Variants in PRR14L observed in about 807,000 individuals in gnomAD.
PRR14L encodes the protein protein PRR14L.
Under a neutral mutation model 155.0 loss-of-function variants are expected in PRR14L, and 80 were observed. That is an observed-to-expected ratio of 0.52 (90% CI 0.43 to 0.62). The LOEUF is 0.62. PRR14L is among the 20% of genes least tolerant of loss of function. The pLI is 0.00. For synonymous variants in PRR14L, 883 were observed against 916.0 expected (o/e 0.96, Z 0.65); for missense variants, 2,469 against 2,548.0 (o/e 0.97, Z 0.67).
Position 31,717,092 on chromosome 22 carries a change from T to G in PRR14L, c.747A>C (p.Leu249Phe). The change falls in exon 4 of 9, where the codon TTA becomes TTC. Residue 249 changes from leucine to phenylalanine, a missense_variant. Leu to Phe is a conservative substitution (Grantham distance 22). Transcript: ENST00000327423. ...CAAAGGTTAAAGGTTCTGGGGTAACTAATGTGCTGGTTTCTGAAACCTCAT... is the reference window on the plus strand; with the variant it reads ...CAAAGGTTAAAGGTTCTGGGGTAACGAATGTGCTGGTTTCTGAAACCTCAT... ...TSDEVSETST[L>F]VTPEPLTFVD... 1 of 1,552,100 alleles carries G rather than the reference T, an allele frequency of 6.4e-7. No individual in the cohort carries two copies. The highest frequency in any genetic ancestry group is 8.7e-7 in the Non-Finnish European group (1 of 1,147,030).
chr22:31,686,037 C>A (rs571344578), intron 8 of PRR14L, among the ~76,000 whole-genome samples: 1 of 151,992 alleles, frequency 6.6e-6, no homozygotes, highest in Non-Finnish European at 1.5e-5. Context: ...TGGGTTCAAG[C>A]GATTCTCCTG....
Position 31,713,630 on chromosome 22 carries a change from C to T in PRR14L, c.4209G>A (p.Glu1403=). The T allele has an allele frequency of 1.3e-6, 2 of 1,551,926 alleles. No individual in the cohort carries two copies. The highest frequency in any genetic ancestry group is 1.7e-6 in the Non-Finnish European group (2 of 1,147,052). ...GTGCTTTTTGTTGACGTATATATTT[C>T]TCTTCTTTCTGCAACATGTAGTCCA... is the stretch of plus-strand genomic sequence containing the variant. ...EVLDYMLQKE[E]KYIRQQKAHT... The change falls in exon 4 of 9, where the codon GAG becomes GAA. Residue 1403 remains glutamate (E), a synonymous_variant. Transcript: ENST00000327423.
intron 4 of PRR14L, among the ~76,000 whole-genome samples, chr22:31,710,684 G>C (rs182639811): frequency 7.0e-4 from 107 of 152,094 alleles, no homozygotes; most frequent in Non-Finnish European, 9.1e-4. Context: ...TCGATCTCCT[G>C]ACCTCGTGAT....
rs1387247524 is a variant in PRR14L, at chr22:31,713,465, C to G, written c.4374G>C (p.Val1458=). 6.4e-7 allele frequency: 1 copy of G among 1,551,830 alleles called. No individual in the cohort carries two copies. Among genetic ancestry groups the G allele is most frequent in the Non-Finnish European group, 8.7e-7 (1 of 1,147,050 alleles). Reference sequence around the variant, plus strand: ...GGTCTTCTAACTTCTGAGTCTGTGCCACAATGCTGTCCTTGGCCAGCTTTG... The same window carrying G: ...GGTCTTCTAACTTCTGAGTCTGTGCGACAATGCTGTCCTTGGCCAGCTTTG... ...TLAKLAKDSI[V]AQTQKLEDQK... The change falls in exon 4 of 9, where the codon GTG becomes GTC. Residue 1458 remains valine (V), a synonymous_variant. Transcript: ENST00000327423.
At chr22:31,742,763 C>T (rs968423903) in intron 1 of PRR14L, among the ~76,000 whole-genome samples, 3 of 152,120 alleles carry the variant, frequency 2.0e-5, no homozygotes, top group African/African-American at 4.8e-5. Context: ...AAAATTTGTA[C>T]ACAAATGTCT....
At position 31,716,811 on chromosome 22, in the gene PRR14L, G is replaced by GA; in HGVS notation, c.1027dup (p.Ser343PhefsTer23). The stretch of plus-strand genomic sequence containing the variant: ...ACCAGACAAGTCTGATGTGAAACAT[G>GA]AAACTTCAGAATTTTCTTTCAAAGG... On this transcript the variant is annotated frameshift_variant, in exon 4 of 9. Coordinates refer to ENST00000327423, the MANE Select transcript of PRR14L (RefSeq NM_173566.3). LOFTEE classifies it high-confidence loss of function. The GA allele has an allele frequency of 6.4e-7, 1 of 1,551,866 alleles. No individual in the cohort carries two copies. Among genetic ancestry groups the GA allele is most frequent in the Non-Finnish European group, 8.7e-7 (1 of 1,147,026 alleles).
chr22:31,730,153 A>T (rs1317852383), intron 2 of PRR14L, among the ~76,000 whole-genome samples: 1 of 149,676 alleles, frequency 6.7e-6, no homozygotes, highest in Non-Finnish European at 1.5e-5. Flanking sequence ...AAAAAAAAAA[A>T]AAATCGCCGG....
intron 3 of PRR14L, among the ~76,000 whole-genome samples, chr22:31,718,244 T>TTGTATTTTTACTA (rs1569499166): frequency 2.7e-5 from 4 of 146,826 alleles, no homozygotes; most frequent in Admixed American, 6.8e-5. Context: ...GCTAATTTTT[T>TTGTATTTTTACTA]GGGGGGGTTT....
At chr22:31,744,090 T>C (rs2074825908) in intron 1 of PRR14L, among the ~76,000 whole-genome samples, 1 of 149,086 alleles carries the variant, frequency 6.7e-6, no homozygotes, top group African/African-American at 2.5e-5. Flanking sequence ...CGATCATAGC[T>C]CACTATAACC....
chr22:31,743,472 C>T (rs961045701), intron 1 of PRR14L, among the ~76,000 whole-genome samples: 5 of 152,052 alleles, frequency 3.3e-5, no homozygotes, highest in African/African-American at 7.2e-5. Flanking sequence ...AATTGTATGG[C>T]ATATGAATTA....
Position 31,745,851 on chromosome 22 carries a change from A to ATATATATAT in PRR14L, c.-52+4141_-52+4142insATATATATA, listed in dbSNP as rs1363174406. 2.1e-5 allele frequency among the ~76,000 whole-genome samples: 3 copies of ATATATATAT among 142,852 alleles called. No homozygotes were observed. In the South Asian group the frequency reaches 6.9e-4, roughly 33 times the overall value. 93.7% of individuals were successfully genotyped at this position (142,852 alleles called of 152,430 possible). A position where few individuals can be genotyped will look rare whatever the true frequency, so the allele number is the denominator to read the frequency against. On this transcript the variant is annotated intron_variant, in intron 1 of 8. Transcript: ENST00000327423. ...GAGAGGGAGACTCAGTTTAAAAAAA[A>ATATATATAT]AAAAAAAAAAATATATATATATATA...
At chr22:31,743,283 CA>C (rs577332124) in intron 1 of PRR14L, among the ~76,000 whole-genome samples, 1 of 151,854 alleles carries the variant, frequency 6.6e-6, no homozygotes. Context: ...GACTGGGAGA[CA>C]AAACCGAAAG....
In PRR14L at chr22:31,714,126, A is replaced by G; in HGVS notation, c.3713T>C (p.Ile1238Thr). The G allele has an allele frequency of 1.3e-6, 2 of 1,551,420 alleles. No homozygotes were observed. Among genetic ancestry groups the G allele is most frequent in the Non-Finnish European group, 8.7e-7 (1 of 1,146,948 alleles). Reference sequence around the variant, plus strand: ...ATTTTCTTGAGAAGGCATTATTTCAATGGATTTCAGGCTTCTTAGGGAAAC... The same window carrying G: ...ATTTTCTTGAGAAGGCATTATTTCAGTGGATTTCAGGCTTCTTAGGGAAAC... ...SSVSLRSLKS[I>T]EIMPSQENSE... The change falls in exon 4 of 9, where the codon ATT (isoleucine) becomes ACT (threonine). Residue 1238 changes from isoleucine (I) to threonine (T), a missense_variant. Ile to Thr is a moderately conservative substitution (Grantham distance 89). Around this residue, in one of 2 missense-constraint regions of PRR14L, gnomAD observed 2,363 missense variants for 2,371.6 expected, o/e 1.00. Transcript: ENST00000327423.
chr22:31,697,428 C>T (rs560294038), intron 7 of PRR14L, among the ~76,000 whole-genome samples: 2 of 151,632 alleles, frequency 1.3e-5, no homozygotes, highest in Non-Finnish European at 2.9e-5. Flanking sequence ...CAAATAATGT[C>T]TACTTAAGAA....
rs1347138767 is a variant in PRR14L, at chr22:31,715,060, G to A, written c.2779C>T (p.Gln927Ter). ...ATGTTTACAGTCTGGTTTAGTTCTTGTATAGCATGATCAGAGATGTTATAC... is the reference window on the plus strand; with the variant it reads ...ATGTTTACAGTCTGGTTTAGTTCTTATATAGCATGATCAGAGATGTTATAC... ...CKYNISDHAI[Q>*]ELNQTVNIPG... Residue 927 changes from glutamine to a stop codon, truncating the protein, a stop_gained, in exon 4 of 9, where the codon CAA becomes TAA. Transcript: ENST00000327423. LOFTEE classifies it high-confidence loss of function. The A allele has an allele frequency of 6.4e-7, 1 of 1,551,578 alleles. No homozygotes were observed. The highest frequency in any genetic ancestry group is 8.7e-7 in the Non-Finnish European group (1 of 1,146,748).
At chr22:31,690,212 C>G (rs2147852155) in intron 7 of PRR14L, among the ~76,000 whole-genome samples, 1 of 151,968 alleles carries the variant, frequency 6.6e-6, no homozygotes, top group East Asian at 1.9e-4. Context: ...CCACCATGCC[C>G]AGCTGTAACT....
In PRR14L at chr22:31,694,366, G is replaced by A. The variant is rs1027225754; in HGVS notation, c.6108-6139C>T. ...ATTACAGGCGTGAGCTACCACGCCC[G>A]GCCAGCAGCAACTTTTAAACATTTT... On this transcript the variant is annotated intron_variant, in intron 7 of 8. Coordinates refer to ENST00000327423, the MANE Select transcript of PRR14L (RefSeq NM_173566.3). Among the ~76,000 whole-genome samples the A allele has an allele frequency of 5.3e-5, 8 of 151,882 alleles. No individual in the cohort carries two copies. The East Asian group carries it at 5.9e-4, about 11-fold the overall frequency.
chr22:31,717,367 T>C, intron 3 of PRR14L, 76 bp from the exon 4 acceptor site: 1 of 1,188,148 alleles, frequency 8.4e-7, no homozygotes, highest in Non-Finnish European at 1.2e-6. Context: ...CATTTTATTA[T>C]GCTATGCTAC....
chr22:31,714,620 T>C lies in PRR14L; in HGVS notation c.3219A>G (p.Ala1073=). The change falls in exon 4 of 9, where the codon GCA becomes GCG. Residue 1073 remains alanine (A), a synonymous_variant. Coordinates refer to ENST00000327423, the MANE Select transcript of PRR14L (RefSeq NM_173566.3). ...KLAEGVLDVK[A]SNLLDCGARQ... The stretch of plus-strand genomic sequence containing the variant: ...TTGCACCACAATCCAGTAGATTAGA[T>C]GCCTTCACGTCCAGCACACCTTCTG... 1.3e-6 allele frequency: 2 copies of C among 1,552,040 alleles called. No homozygotes were observed. The highest frequency in any genetic ancestry group is 2.4e-5 in the South Asian group (2 of 84,068).
Sources: gnomAD v4.1 joint callset for allele counts (sites outside exome capture counted in the v4.1 genomes callset) on GRCh38, gnomAD v4.1.1 for gene constraint, gnomAD v4.1.1 regional missense constraint, MANE v1.5 for transcripts, NCBI Gene and HGNC (gene_info 2026-07-23, HGNC 2026-07-21) for gene names.